Variants in GPHN observed in about 807,000 individuals in gnomAD.
The protein encoded by GPHN is gephyrin.
Under a neutral mutation model 95.5 loss-of-function variants are expected in GPHN, and 17 were observed. That is an observed-to-expected ratio of 0.18 (90% CI 0.12 to 0.27). The LOEUF is 0.27. Ranked by LOEUF, GPHN falls within the 10% of genes least tolerant of loss-of-function variation. The pLI is 1.00. For synonymous variants in GPHN, 320 were observed against 322.5 expected (o/e 0.99, Z 0.08); for missense variants, 660 against 978.1 (o/e 0.67, Z 4.34).
intron 10 of GPHN, 26 bp from the exon 11 acceptor site, chr14:67,058,623 T>C: frequency 6.2e-7 from 1 of 1,602,122 alleles, no homozygotes; most frequent in Non-Finnish European, 8.6e-7. Context: ...AGCATCATAT[T>C]CTTAGTTAAT....
chr14:66,906,665 A>G (rs973494929), intron 5 of GPHN, among the ~76,000 whole-genome samples: 1 of 152,136 alleles, frequency 6.6e-6, no homozygotes, highest in Non-Finnish European at 1.5e-5. Context: ...GAGTGAAGTC[A>G]GCCTGCTCGT....
chr14:67,065,267 T>C (rs1041158424), intron 11 of GPHN, among the ~76,000 whole-genome samples: 1 of 152,212 alleles, frequency 6.6e-6, no homozygotes, highest in African/African-American at 2.4e-5. Context: ...TAATCCTGAG[T>C]TCTAATTTGA....
chr14:66,752,808 CACA>C (rs2058418454), intron 2 of GPHN, among the ~76,000 whole-genome samples: 1 of 151,110 alleles, frequency 6.6e-6, no homozygotes, highest in South Asian at 2.1e-4. Context: ...TAAAGCGAAG[CACA>C]ATAAAAAAAT....
intron 19 of GPHN, among the ~76,000 whole-genome samples, chr14:67,160,218 G>A (rs564388220): frequency 1.3e-3 from 201 of 152,222 alleles, no homozygotes; most frequent in Non-Finnish European, 1.8e-3. Flanking sequence ...AGAGAAAATG[G>A]ATCATGTTTC....
intron 10 of GPHN, among the ~76,000 whole-genome samples, chr14:67,028,310 A>G (rs2074026638): frequency 6.6e-6 from 1 of 152,216 alleles, no homozygotes; most frequent in Non-Finnish European, 1.5e-5. Flanking sequence ...TATGGTGAAC[A>G]GTGCTTCAGT....
intron 17 of GPHN, among the ~76,000 whole-genome samples, chr14:67,140,255 G>T (rs2080370900): frequency 6.6e-6 from 1 of 152,006 alleles, no homozygotes; most frequent in Non-Finnish European, 1.5e-5. Context: ...ATGTTGGCAG[G>T]CACCTGTAAT....
chr14:67,122,505 C>A, intron 17 of GPHN, 128 bp downstream of exon 17: 1 of 776,522 alleles, frequency 1.3e-6, no homozygotes, highest in Non-Finnish European at 2.2e-6. Context: ...TCTCATTCTT[C>A]AGAAGCCAAA....
the GPHN span, chr14:67,674,334 C>T: frequency 6.6e-7 from 1 of 1,513,868 alleles, no homozygotes; most frequent in East Asian, 2.5e-5. Flanking sequence ...CCAAAGCGCG[C>T]AGGGCTGCGC....
intron 18 of GPHN, among the ~76,000 whole-genome samples, chr14:67,153,295 A>G (rs1368932898): frequency 6.6e-6 from 1 of 152,188 alleles, no homozygotes; most frequent in Non-Finnish European, 1.5e-5. Context: ...AACAAAAAAT[A>G]CCATAAAATG....
At chr14:67,284,553 A>AC in the GPHN span, among the ~76,000 whole-genome samples, 22,609 of 117,752 alleles carry the variant, frequency 0.19, 4,516 homozygotes, top group East Asian at 0.48. Context: ...GTGCTAAAAA[A>AC]AAAAAAAAAA....
At chr14:67,171,738 C>A (rs2281676) in intron 21 of GPHN, among the ~76,000 whole-genome samples, 2 of 151,870 alleles carry the variant, frequency 1.3e-5, no homozygotes, top group East Asian at 1.9e-4. Context: ...AGAGTGTATC[C>A]GTGGAGTAAC....
intron 4 of GPHN, among the ~76,000 whole-genome samples, chr14:66,856,074 C>A (rs2062791417): frequency 6.6e-6 from 1 of 152,002 alleles, no homozygotes; most frequent in Non-Finnish European, 1.5e-5. Flanking sequence ...GCTTGTGGGC[C>A]TTCATCAAAC....
At chr14:66,944,135 G>A (rs566178994) in intron 8 of GPHN, among the ~76,000 whole-genome samples, 29 of 152,254 alleles carry the variant, frequency 1.9e-4, no homozygotes, top group African/African-American at 5.5e-4. Context: ...TAATTAAGCC[G>A]AGCACTCTTT....
chr14:67,347,225 C>T, the GPHN span, among the ~76,000 whole-genome samples: 4 of 152,160 alleles, frequency 2.6e-5, no homozygotes, highest in Non-Finnish European at 4.4e-5. Flanking sequence ...AGGCATGAGC[C>T]ATTGTGCCCG....
At chr14:67,464,073 AGAGT>A in the GPHN span, among the ~76,000 whole-genome samples, 4 of 151,718 alleles carry the variant, frequency 2.6e-5, no homozygotes, top group African/African-American at 7.3e-5. Context: ...TGTATGTGTG[AGAGT>A]GTGTGTGTGT....
chr14:67,193,501 A>T, the GPHN span, among the ~76,000 whole-genome samples: 119 of 131,440 alleles, frequency 9.1e-4, 1 homozygote, highest in South Asian at 3.5e-3. Context: ...ATATATCTAG[A>T]TATCCATATA....
chr14:66,786,215 GATCTTCTATTCTTTAAAA>G (rs1290618811), intron 3 of GPHN, among the ~76,000 whole-genome samples: 96 of 152,208 alleles, frequency 6.3e-4, no homozygotes, highest in African/African-American at 2.2e-3. Context: ...TATTACTACA[GATCTTCTATTCTTTAAAA>G]GGATAATTAG....
chr14:66,636,643 A>G (rs868588557), intron 1 of GPHN, among the ~76,000 whole-genome samples: 2 of 152,162 alleles, frequency 1.3e-5, no homozygotes, highest in East Asian at 1.9e-4. Flanking sequence ...TAAGTGTTCA[A>G]TGTGGATTTC....
intron 17 of GPHN, among the ~76,000 whole-genome samples, chr14:67,126,661 G>C (rs1386816685): frequency 3.9e-5 from 6 of 152,166 alleles, no homozygotes; most frequent in Non-Finnish European, 7.3e-5. Flanking sequence ...CTGTAAACTA[G>C]TTCAACCATT....
Sources: allele counts gnomAD v4.1 joint callset (sites outside exome capture counted in the v4.1 genomes callset), GRCh38; gene constraint gnomAD v4.1.1; transcripts MANE v1.5; gene names NCBI Gene and HGNC (gene_info 2026-07-23, HGNC 2026-07-21).